Variants in ARID2 observed in about 807,000 individuals in gnomAD.
The protein encoded by ARID2 is AT-rich interaction domain 2, also known as AT-rich interactive domain-containing protein 2.
In ARID2, 32 loss-of-function variants were observed where a neutral mutation model predicts 184.6. That is an observed-to-expected ratio of 0.17 (90% CI 0.13 to 0.23). ARID2 has a LOEUF of 0.23. Ranked by LOEUF, ARID2 falls within the 10% of genes least tolerant of loss-of-function variation. The pLI, the probability that ARID2 is intolerant of heterozygous loss-of-function variation, is 1.00. For synonymous variants in ARID2, 836 were observed against 772.6 expected (o/e 1.08, Z -1.36); for missense variants, 1,696 against 2,197.6 (o/e 0.77, Z 4.56).
At position 45,852,324 on chromosome 12, in the gene ARID2, A is replaced by G. The variant is rs1276298778; in HGVS notation, c.4201A>G (p.Ile1401Val). 3 of 1,614,188 alleles carry G rather than the reference A, an allele frequency of 1.9e-6. No homozygotes were observed. Among genetic ancestry groups the G allele is most frequent in the South Asian group, 1.1e-5 (1 of 91,080 alleles). Residue 1401 changes from isoleucine (I) to valine (V), a missense_variant, in exon 15 of 21, where the codon ATC becomes GTC. Around this residue, in one of 11 missense-constraint regions of ARID2, gnomAD observed 428 missense variants for 409.1 expected, o/e 1.05. Coordinates refer to ENST00000334344, the MANE Select transcript of ARID2 (RefSeq NM_152641.4). ...SPMEPQGTLD[I>V]TQQDTAKGDQ... The stretch of plus-strand genomic sequence containing the variant: ...AATGGAACCACAAGGGACTTTAGAT[A>G]TCACTCAGCAAGATACTGCCAAAGG...
At chr12:45,791,924 G>A (rs950508582) in intron 3 of ARID2, among the ~76,000 whole-genome samples, 1 of 152,082 alleles carries the variant, frequency 6.6e-6, no homozygotes, top group Non-Finnish European at 1.5e-5. Context: ...TATAATTAAT[G>A]TCCCCTCTTT....
chr12:45,757,663 C>A (rs976520050), intron 3 of ARID2, among the ~76,000 whole-genome samples: 3 of 152,158 alleles, frequency 2.0e-5, no homozygotes, highest in Non-Finnish European at 4.4e-5. Flanking sequence ...ACATTCATTA[C>A]TAGGGCATAG....
intron 3 of ARID2, among the ~76,000 whole-genome samples, chr12:45,794,721 C>T (rs183793111): frequency 6.6e-5 from 10 of 152,220 alleles, no homozygotes; most frequent in African/African-American, 2.2e-4. Context: ...CTAGCTTCCC[C>T]GATGGTAACA....
chr12:45,769,131 C>CA (rs1429405845), intron 3 of ARID2, among the ~76,000 whole-genome samples: 3 of 151,848 alleles, frequency 2.0e-5, no homozygotes, highest in African/African-American at 7.3e-5. Context: ...CAGTTCCCAA[C>CA]AAAAAATTGT....
In ARID2 at chr12:45,907,812, T is replaced by C. The variant is rs1447816008; in HGVS notation, c.*2734T>C. The C allele has an allele frequency of 4.3e-6, 1 of 232,302 alleles. No individual in the cohort carries two copies. Among genetic ancestry groups the C allele is most frequent in the African/African-American group, 2.2e-5 (1 of 45,276 alleles). The allele number at this position is 232,302 out of a possible 1,614,324, so 14.4% of individuals were successfully genotyped here. ...ATAGAGACTGTATAATTCTGTGTTA[T>C]ATATGTGCCTAGTGCTCTGTTGGCA... On this transcript the variant is annotated 3_prime_UTR_variant, in exon 21 of 21. Coordinates refer to ENST00000334344, the MANE Select transcript of ARID2 (RefSeq NM_152641.4).
At chr12:45,894,954 A>G (rs548020942) in intron 20 of ARID2, among the ~76,000 whole-genome samples, 6 of 152,092 alleles carry the variant, frequency 3.9e-5, no homozygotes, top group African/African-American at 1.4e-4. Flanking sequence ...TGCTCATACT[A>G]TTCTCCCTGC....
chr12:45,904,494 C>T lies in ARID2; in HGVS notation c.5364-440C>T, dbSNP rs545398801. The T allele has an allele frequency of 9.0e-4, 454 of 506,326 alleles. 6 individuals are homozygous for T. Among genetic ancestry groups the T allele is most frequent in the Non-Finnish European group, 4.0e-4 (112 of 281,812 alleles). 31.4% of individuals were successfully genotyped at this position (506,326 alleles called of 1,614,324 possible). A position where few individuals can be genotyped will look rare whatever the true frequency, so the allele number is the denominator to read the frequency against. On this transcript the variant is annotated intron_variant, in intron 20 of 20. Transcript: ENST00000334344. ...GATCACAAGGTCAAGAGATCGAGAC[C>T]GTCCTGGCCAACATGGTGAAACCCC...
intron 3 of ARID2, among the ~76,000 whole-genome samples, chr12:45,749,151 A>T (rs1034787635): frequency 2.0e-5 from 3 of 152,228 alleles, no homozygotes; most frequent in African/African-American, 7.2e-5. Context: ...TGTATTTCTT[A>T]AGTAATAGAC....
intron 3 of ARID2, among the ~76,000 whole-genome samples, chr12:45,752,629 C>T (rs1024165308): frequency 3.9e-5 from 6 of 152,080 alleles, no homozygotes; most frequent in African/African-American, 1.4e-4. Flanking sequence ...TCAAGCAGTC[C>T]TTCTGCCTCA....
chr12:45,812,856 A>G (rs1218938889), intron 4 of ARID2, among the ~76,000 whole-genome samples: 1 of 152,234 alleles, frequency 6.6e-6, no homozygotes, highest in Non-Finnish European at 1.5e-5. Context: ...CAGAGCTATT[A>G]ATCCTTGTAA....
At chr12:45,832,308 CTCTT>C (rs1943137040) in intron 6 of ARID2, among the ~76,000 whole-genome samples, 1 of 151,990 alleles carries the variant, frequency 6.6e-6, no homozygotes, top group African/African-American at 2.4e-5. Context: ...TTAATATGTT[CTCTT>C]TATTACTGAT....
At chr12:45,838,769 A>C (rs1358330895) in intron 10 of ARID2, among the ~76,000 whole-genome samples, 2 of 152,092 alleles carry the variant, frequency 1.3e-5, no homozygotes, top group African/African-American at 4.8e-5. Context: ...TTTCTCAAAA[A>C]AAAATATATA....
At chr12:45,794,673 G>A (rs1222787182) in intron 3 of ARID2, among the ~76,000 whole-genome samples, 2 of 152,154 alleles carry the variant, frequency 1.3e-5, no homozygotes, top group Non-Finnish European at 2.9e-5. Context: ...TAATGGTAGA[G>A]GGCATTCGTC....
chr12:45,863,669 A>G (rs1008039082), intron 16 of ARID2, among the ~76,000 whole-genome samples: 4 of 151,880 alleles, frequency 2.6e-5, no homozygotes, highest in Non-Finnish European at 5.9e-5. Context: ...CCTATATATT[A>G]TTGTAAACTG....
chr12:45,860,727 T>G, intron 15 of ARID2, 74 bp from the exon 16 acceptor site: 2 of 1,250,682 alleles, frequency 1.6e-6, no homozygotes, highest in Non-Finnish European at 1.0e-6. Flanking sequence ...ATAATCAAAT[T>G]TATAAGACTA....
chr12:45,773,275 T>G (rs1247851415), intron 3 of ARID2, among the ~76,000 whole-genome samples: 2 of 151,978 alleles, frequency 1.3e-5, no homozygotes, highest in Non-Finnish European at 2.9e-5. Context: ...AATCTGTAAT[T>G]GTAAATGTCT....
chr12:45,853,006 A>G, intron 15 of ARID2, 110 bp downstream of exon 15: 1 of 1,414,632 alleles, frequency 7.1e-7, no homozygotes, highest in Non-Finnish European at 9.2e-7. Context: ...TTACTGTATC[A>G]GCTCACTTGT....
chr12:45,741,422 T>C (rs781373596), intron 3 of ARID2, among the ~76,000 whole-genome samples: 4 of 152,200 alleles, frequency 2.6e-5, no homozygotes, highest in Non-Finnish European at 5.9e-5. Flanking sequence ...GGTCTCAAAC[T>C]TCTGGGCTTA....
chr12:45,848,871 C>G lies in ARID2; in HGVS notation c.1616C>G (p.Ser539Cys), dbSNP rs756281594. The part of the protein sequence containing the change: ...NAHFEVNPDC[S>C]VSRAEMYSEY... ...CATTTTGAAGTAAATCCAGATTGTT[C>G]TGTTTCTCGAGCAGAAATGTATTCT... Residue 539 changes from serine (S) to cysteine (C), a missense_variant, in exon 13 of 21, where the codon TCT (serine) becomes TGT (cysteine). By Grantham distance (112) the Ser-to-Cys change is moderately radical (BLOSUM62 -1). Around this residue, in one of 11 missense-constraint regions of ARID2, gnomAD observed 713 missense variants for 824.4 expected, o/e 0.86. Transcript: ENST00000334344. The G allele has an allele frequency of 6.2e-6, 10 of 1,611,814 alleles. No individual in the cohort carries two copies. The Admixed American group carries it at 1.7e-4, about 27-fold the overall frequency.
Sources: gnomAD v4.1 joint callset for allele counts (sites outside exome capture counted in the v4.1 genomes callset) on GRCh38, gnomAD v4.1.1 for gene constraint, gnomAD v4.1.1 regional missense constraint, MANE v1.5 for transcripts, NCBI Gene and HGNC (gene_info 2026-07-23, HGNC 2026-07-21) for gene names.